Variants in DOCK2 observed in about 807,000 individuals in gnomAD.
DOCK2 encodes dedicator of cytokinesis 2.
Under a neutral mutation model 248.9 loss-of-function variants are expected in DOCK2, and 87 were observed. The ratio of observed to expected loss-of-function variants is 0.35; its 90% CI spans 0.29 to 0.42. The LOEUF (loss-of-function observed/expected upper bound fraction) is 0.42, where lower values mean the gene tolerates loss of function less well. Among genes scored for constraint, DOCK2 ranks in the 10% least tolerant of loss-of-function variants. The probability of loss-of-function intolerance (pLI) is 1.00; values close to 1 mark genes in which losing one functional copy is unlikely to be tolerated. For synonymous variants in DOCK2, 805 were observed against 821.6 expected (o/e 0.98, Z 0.35); for missense variants, 1,747 against 2,300.2 (o/e 0.76, Z 4.92).
In DOCK2 at chr5:170,023,393, A is replaced by G. The variant is rs559492890; in HGVS notation, c.3381+4285A>G. 3.0e-4 allele frequency among the ~76,000 whole-genome samples: 46 copies of G among 152,278 alleles called. No homozygotes were observed. The South Asian group carries it at 8.9e-3, about 30-fold the overall frequency. On this transcript the variant is annotated intron_variant, in intron 33 of 51. Coordinates refer to ENST00000520908, the MANE Select transcript of DOCK2 (RefSeq NM_004946.3). Reference sequence around the variant, plus strand: ...GGTGATTTAAATTGTTTAGAACATAATGTGGAAAAGATTACATCAATTCAA... The same window carrying G: ...GGTGATTTAAATTGTTTAGAACATAGTGTGGAAAAGATTACATCAATTCAA...
At chr5:169,999,155 G>A (rs1015060088) in intron 30 of DOCK2, among the ~76,000 whole-genome samples, 1 of 152,084 alleles carries the variant, frequency 6.6e-6, no homozygotes, top group Non-Finnish European at 1.5e-5. Context: ...ATTCCTTTAG[G>A]TTTATATCCT....
At chr5:169,926,998 C>G (rs1398537406) in intron 27 of DOCK2, among the ~76,000 whole-genome samples, 1 of 152,200 alleles carries the variant, frequency 6.6e-6, no homozygotes, top group Admixed American at 6.5e-5. Flanking sequence ...GATAACATCT[C>G]TCTGACATTT....
intron 27 of DOCK2, among the ~76,000 whole-genome samples, chr5:169,958,263 C>T (rs1208808209): frequency 6.6e-6 from 1 of 152,068 alleles, no homozygotes; most frequent in Non-Finnish European, 1.5e-5. Flanking sequence ...TTATACTTTA[C>T]TGCACTGTTA....
intron 27 of DOCK2, among the ~76,000 whole-genome samples, chr5:169,936,717 T>C (rs999114397): frequency 2.6e-5 from 4 of 151,744 alleles, no homozygotes; most frequent in African/African-American, 9.7e-5. Flanking sequence ...CTCCAGCCTA[T>C]ATAGATTTGG....
intron 25 of DOCK2, among the ~76,000 whole-genome samples, chr5:169,777,645 G>C (rs888767027): frequency 2.0e-5 from 3 of 152,136 alleles, no homozygotes; most frequent in Non-Finnish European, 2.9e-5. Flanking sequence ...ACCTTACCCG[G>C]GATACTTCAC....
chr5:169,903,999 A>G lies in DOCK2; in HGVS notation c.2799+63147A>G, dbSNP rs373908972. On this transcript the variant is annotated intron_variant, in intron 27 of 51. Transcript: ENST00000520908. ...CCCAGTTACTCGGGAGGGCTGAGGC[A>G]TGAGAATTGCTTGAGCCTGGGAGGC... 1.4e-3 allele frequency among the ~76,000 whole-genome samples: 214 copies of G among 150,546 alleles called. 4 individuals are homozygous for G. In the South Asian group the frequency reaches 0.04, roughly 28 times the overall value.
At chr5:170,058,455 G>A (rs1055093978) in intron 44 of DOCK2, among the ~76,000 whole-genome samples, 5 of 152,138 alleles carry the variant, frequency 3.3e-5, no homozygotes. Context: ...AAGCAGAAAG[G>A]TGATATATGA....
chr5:169,949,438 C>G (rs953694407), intron 27 of DOCK2, among the ~76,000 whole-genome samples: 11 of 152,026 alleles, frequency 7.2e-5, no homozygotes, highest in Non-Finnish European at 1.5e-4. Context: ...AGGAGATAGC[C>G]CATTAGCCCA....
intron 2 of DOCK2, among the ~76,000 whole-genome samples, chr5:169,665,448 GTATATACACATGTTTATA>G (rs1758668996): frequency 6.6e-6 from 1 of 151,054 alleles, no homozygotes; most frequent in African/African-American, 2.4e-5. Flanking sequence ...ATGTTTATAT[GTATATACACATGTTTATA>G]TGTATATACA....
rs183567663 is a variant in DOCK2, at chr5:169,659,837, A to C, written c.127+5351A>C. Among the ~76,000 whole-genome samples the C allele has an allele frequency of 5.3e-4, 81 of 152,304 alleles. No homozygotes were observed. In the East Asian group the frequency reaches 0.012, roughly 22 times the overall value. ...ATTCATCATAGAAGGGACAAACACAAAAAAAAGCAGTGTTATTTTATTTCC... is the reference window on the plus strand; with the variant it reads ...ATTCATCATAGAAGGGACAAACACACAAAAAAGCAGTGTTATTTTATTTCC... On this transcript the variant is annotated intron_variant, in intron 2 of 51. Transcript: ENST00000520908.
chr5:170,012,577 G>A (rs1183217938), intron 32 of DOCK2, among the ~76,000 whole-genome samples: 2 of 152,208 alleles, frequency 1.3e-5, no homozygotes, highest in African/African-American at 4.8e-5. Flanking sequence ...GACAAATTGT[G>A]TGTGTGTGGA....
chr5:169,757,688 G>A (rs77579543), intron 23 of DOCK2, among the ~76,000 whole-genome samples: 3,485 of 152,196 alleles, frequency 0.023, 146 homozygotes, highest in African/African-American at 0.08. Context: ...ATATGTTACT[G>A]TAAAAGGGTT....
chr5:169,768,110 C>G (rs968404884), intron 25 of DOCK2, among the ~76,000 whole-genome samples: 8 of 152,190 alleles, frequency 5.3e-5, no homozygotes, highest in African/African-American at 1.9e-4. Context: ...CACAGTGGCT[C>G]TTAATGACCT....
chr5:169,857,077 T>G (rs1365197926), intron 27 of DOCK2, among the ~76,000 whole-genome samples: 1 of 152,252 alleles, frequency 6.6e-6, no homozygotes, highest in African/African-American at 2.4e-5. Context: ...ATTTTAGTTC[T>G]GCTTTGAGCC....
At chr5:170,019,843 T>A (rs950937676) in intron 33 of DOCK2, among the ~76,000 whole-genome samples, 1 of 152,092 alleles carries the variant, frequency 6.6e-6, no homozygotes, top group Admixed American at 6.5e-5. Flanking sequence ...CAAGGCTGCC[T>A]GAGCCGTTCC....
intron 22 of DOCK2, among the ~76,000 whole-genome samples, chr5:169,725,306 G>A (rs146930796): frequency 1.3e-5 from 2 of 152,114 alleles, no homozygotes; most frequent in Admixed American, 6.5e-5. Flanking sequence ...AACTGTCACC[G>A]AAAGGATATC....
intron 27 of DOCK2, among the ~76,000 whole-genome samples, chr5:169,849,884 C>T (rs1254299892): frequency 6.6e-6 from 1 of 152,228 alleles, no homozygotes; most frequent in East Asian, 1.9e-4. Flanking sequence ...CCACAACCAC[C>T]TCTTACGGTT....
chr5:169,741,034 AG>A (rs1304861701), intron 22 of DOCK2, among the ~76,000 whole-genome samples: 2 of 152,080 alleles, frequency 1.3e-5, no homozygotes, highest in African/African-American at 4.8e-5. Flanking sequence ...ACATTTTCCC[AG>A]GTTGGTCTTG....
intron 14 of DOCK2, among the ~76,000 whole-genome samples, chr5:169,705,262 G>A (rs768873301): frequency 1.3e-5 from 2 of 152,210 alleles, no homozygotes; most frequent in African/African-American, 2.4e-5. Flanking sequence ...AGGACCAAGT[G>A]CAGGGTGAAG....
Sources: allele counts gnomAD v4.1 joint callset (sites outside exome capture counted in the v4.1 genomes callset), GRCh38; gene constraint gnomAD v4.1.1; transcripts MANE v1.5; gene names NCBI Gene and HGNC (gene_info 2026-07-23, HGNC 2026-07-21).